Variants in ZCCHC9 observed in about 807,000 individuals in gnomAD.
ZCCHC9 encodes the protein zinc finger CCHC domain-containing protein 9.
Under a neutral mutation model 30.8 loss-of-function variants are expected in ZCCHC9, and 18 were observed. The observed-to-expected ratio is 0.58, with a 90% confidence interval of 0.40 to 0.87. The LOEUF is 0.87. Among genes scored for constraint, ZCCHC9 ranks in the 40% least tolerant of loss-of-function variants. ZCCHC9 has a pLI of 0.00. For synonymous variants in ZCCHC9, 94 were observed against 106.7 expected (o/e 0.88, Z 0.73); for missense variants, 279 against 331.2 (o/e 0.84, Z 1.22).
intron 1 of ZCCHC9, chr5:81,302,917 A>T (rs572417840): frequency 1.3e-5 from 2 of 151,914 alleles, no homozygotes; most frequent in African/African-American, 4.8e-5. Context: ...GTCTAAGTTT[A>T]TTAAAAATAA....
At chr5:81,306,534 TAAGAA>T (rs1483599430) in intron 2 of ZCCHC9, among the ~76,000 whole-genome samples, 2 of 152,204 alleles carry the variant, frequency 1.3e-5, no homozygotes, top group Non-Finnish European at 2.9e-5. Flanking sequence ...TATGACCGCT[TAAGAA>T]AAGCATTATG....
intron 4 of ZCCHC9, 39 bp from the exon 5 acceptor site, chr5:81,311,172 A>AGT (rs1235053308): frequency 6.2e-7 from 1 of 1,611,040 alleles, no homozygotes; most frequent in Non-Finnish European, 8.5e-7. Context: ...ACCCCTTGCA[A>AGT]GTATGAGATG....
Position 81,312,912 on chromosome 5 carries a change from A to G in ZCCHC9, c.*250A>G, listed in dbSNP as rs1758336801. 7.7e-6 allele frequency: 2 copies of G among 258,470 alleles called. No homozygotes were observed. The highest frequency in any genetic ancestry group is 1.5e-5 in the Non-Finnish European group (2 of 135,310). The allele number at this position is 258,470 out of a possible 1,614,324, so 16.0% of individuals were successfully genotyped here. ...TAAAAGAACATATTTTAAGAGACAGAACTTAGACATAACCAAGTAGTTGTA... is the reference window on the plus strand; with the variant it reads ...TAAAAGAACATATTTTAAGAGACAGGACTTAGACATAACCAAGTAGTTGTA... On this transcript the variant is annotated 3_prime_UTR_variant, in exon 6 of 6. Coordinates refer to ENST00000407610, the MANE Select transcript of ZCCHC9 (RefSeq NM_001131035.2).
At chr5:81,307,769 G>A (rs1466691127) in intron 2 of ZCCHC9, among the ~76,000 whole-genome samples, 1 of 151,904 alleles carries the variant, frequency 6.6e-6, no homozygotes, top group Non-Finnish European at 1.5e-5. Flanking sequence ...GGCCGAGGCG[G>A]GTGGATCACC....
chr5:81,304,793 CAA>C lies in ZCCHC9; in HGVS notation c.37_38del (p.Lys13GlufsTer17), dbSNP rs1355996940. On this transcript the variant is annotated frameshift_variant, in exon 2 of 6. Transcript: ENST00000407610. LOFTEE classifies it high-confidence loss of function. ...RWARVSTTYNKRPLPATSWED... is the reference protein window; with the variant it reads ...RWARVSTTYNXRPLPATSWED... Reference sequence around the variant, plus strand: ...GGGCCCGAGTTAGTACCACATATAACAAGAGACCCTTGCCTGCAACATCATGG... The same window carrying C: ...GGGCCCGAGTTAGTACCACATATAACGAGACCCTTGCCTGCAACATCATGG... 1 of 1,609,308 alleles carries C rather than the reference CAA, an allele frequency of 6.2e-7. No individual in the cohort carries two copies. The highest frequency in any genetic ancestry group is 1.7e-5 in the Admixed American group (1 of 58,836).
At chr5:81,309,759 C>T (rs890363064) in intron 4 of ZCCHC9, among the ~76,000 whole-genome samples, 22 of 152,154 alleles carry the variant, frequency 1.4e-4, no homozygotes, top group Admixed American at 2.6e-4. Context: ...CTCTGATCTC[C>T]GTTTCCTCAC....
Position 81,305,135 on chromosome 5 carries a change from T to C in ZCCHC9, c.378T>C (p.Asn126=), listed in dbSNP as rs1580491118. 2.5e-6 allele frequency: 4 copies of C among 1,591,218 alleles called. No individual in the cohort carries two copies. Among genetic ancestry groups the C allele is most frequent in the East Asian group, 2.2e-5 (1 of 44,802 alleles). The part of the protein sequence containing the change: ...RRLKRQAAKK[N]AMVCFHCRKP... Reference sequence around the variant, plus strand: ...TAAAAAGACAAGCGGCAAAGAAAAATGCAATGGTGAGAGCATCACTTCTAC... The same window carrying C: ...TAAAAAGACAAGCGGCAAAGAAAAACGCAATGGTGAGAGCATCACTTCTAC... Residue 126 remains asparagine, a synonymous_variant, in exon 2 of 6, where the codon AAT becomes AAC. Coordinates refer to ENST00000407610, the MANE Select transcript of ZCCHC9 (RefSeq NM_001131035.2).
At chr5:81,309,093 T>C in intron 4 of ZCCHC9, 55 bp downstream of exon 4, 1 of 1,294,944 alleles carries the variant, frequency 7.7e-7, no homozygotes, top group South Asian at 1.4e-5. Context: ...GCAGTTGTGA[T>C]TTAATTTACA....
intron 4 of ZCCHC9, among the ~76,000 whole-genome samples, chr5:81,309,950 G>C (rs1758223302): frequency 1.3e-5 from 2 of 152,090 alleles, no homozygotes; most frequent in South Asian, 4.1e-4. Flanking sequence ...TGGTGTCTTA[G>C]AGTTGATGAA....
rs1758344976 is a variant in ZCCHC9, at chr5:81,313,177, TGATTCTC to T, written c.*520_*526del. 6.6e-6 allele frequency: 1 copy of T among 152,284 alleles called. No individual in the cohort carries two copies. The allele number at this position is 152,284 out of a possible 1,614,324, so 9.4% of individuals were successfully genotyped here. A position where few individuals can be genotyped will look rare whatever the true frequency, so the allele number is the denominator to read the frequency against. On this transcript the variant is annotated 3_prime_UTR_variant, in exon 6 of 6. Coordinates refer to ENST00000407610, the MANE Select transcript of ZCCHC9 (RefSeq NM_001131035.2). ...TTTGTGTATAATTTTTCTGAATACT[TGATTCTC>T]GATTGAAATATCCATTGTTCGTTAA... is the stretch of plus-strand genomic sequence containing the variant.
chr5:81,307,323 G>A (rs1758105056), intron 2 of ZCCHC9, among the ~76,000 whole-genome samples: 1 of 152,156 alleles, frequency 6.6e-6, no homozygotes, highest in South Asian at 2.1e-4. Context: ...CCTTTAAAAT[G>A]TATTGTGCAT....
intron 4 of ZCCHC9, among the ~76,000 whole-genome samples, chr5:81,309,976 A>G (rs144831915): frequency 6.6e-6 from 1 of 152,200 alleles, no homozygotes; most frequent in African/African-American, 2.4e-5. Flanking sequence ...GTATTTGCCT[A>G]AAGAATTTTT....
At chr5:81,308,869 G>C (rs1247290021) in intron 3 of ZCCHC9, 77 bp from the exon 4 acceptor site, 1 of 1,416,224 alleles carries the variant, frequency 7.1e-7, no homozygotes, top group Non-Finnish European at 9.6e-7. Flanking sequence ...TTTTTATTCA[G>C]AGTATTTTAA....
rs1758176537 is a variant in ZCCHC9, at chr5:81,308,878, A to T, written c.536-68A>T. 6 of 1,452,400 alleles carry T rather than the reference A, an allele frequency of 4.1e-6. No individual in the cohort carries two copies. The East Asian group carries it at 1.2e-4, about 29-fold the overall frequency. The allele number at this position is 1,452,400 out of a possible 1,614,324, so 90.0% of individuals were successfully genotyped here. A position where few individuals can be genotyped will look rare whatever the true frequency, so the allele number is the denominator to read the frequency against. On this transcript the variant is annotated intron_variant, in intron 3 of 5. Transcript: ENST00000407610. ...ATATATTTTTTATTCAGAGTATTTTAAAATAATGTTAATTTTATGACTTGC... is the reference window on the plus strand; with the variant it reads ...ATATATTTTTTATTCAGAGTATTTTTAAATAATGTTAATTTTATGACTTGC...
In ZCCHC9 at chr5:81,312,600, A is replaced by T. The variant is rs1160992391; in HGVS notation, c.754A>T (p.Ile252Phe). The T allele has an allele frequency of 6.2e-7, 1 of 1,613,994 alleles. No homozygotes were observed. Among genetic ancestry groups the T allele is most frequent in the Admixed American group, 1.7e-5 (1 of 60,018 alleles). Residue 252 changes from isoleucine to phenylalanine, a missense_variant, in exon 6 of 6, where the codon ATT becomes TTT. Physicochemically the swap from Ile to Phe is conservative, Grantham distance 21. Coordinates refer to ENST00000407610, the MANE Select transcript of ZCCHC9 (RefSeq NM_001131035.2). ...AKGMSADYEE[I>F]LDVPKPQKPK... ...GGGAATGAGTGCAGACTATGAAGAAATTTTGGATGTACCTAAACCGCAAAA... is the reference window on the plus strand; with the variant it reads ...GGGAATGAGTGCAGACTATGAAGAATTTTTGGATGTACCTAAACCGCAAAA...
chr5:81,304,838 A>T lies in ZCCHC9; in HGVS notation c.81A>T (p.Gly27=), dbSNP rs147758374. 7 of 1,614,134 alleles carry T rather than the reference A, an allele frequency of 4.3e-6. No individual in the cohort carries two copies. The African/African-American group carries it at 5.3e-5, about 12-fold the overall frequency. The change falls in exon 2 of 6, where the codon GGA becomes GGT. Residue 27 remains glycine (G), a synonymous_variant. Coordinates refer to ENST00000407610, the MANE Select transcript of ZCCHC9 (RefSeq NM_001131035.2). The part of the protein sequence containing the change: ...PATSWEDMKK[G]SFEGTSQNLP... ...CATCATGGGAGGACATGAAGAAGGG[A>T]TCCTTTGAGGGAACAAGCCAAAACC...
Position 81,312,881 on chromosome 5 carries a change from A to G in ZCCHC9, c.*219A>G, listed in dbSNP as rs559512543. The G allele has an allele frequency of 2.1e-5, 7 of 338,778 alleles. No individual in the cohort carries two copies. In the Admixed American group the frequency reaches 3.1e-4, roughly 15 times the overall value. 21.0% of individuals were successfully genotyped at this position (338,778 alleles called of 1,614,324 possible). ...AGAAAAGAATAAGATGATTAAATGA[A>G]TTCTCTAAAAGAACATATTTTAAGA... On this transcript the variant is annotated 3_prime_UTR_variant, in exon 6 of 6. Transcript: ENST00000407610.
intron 1 of ZCCHC9, 126 bp from the exon 2 acceptor site, chr5:81,304,615 T>G: frequency 1.4e-6 from 1 of 713,038 alleles, no homozygotes; most frequent in Non-Finnish European, 2.2e-6. Context: ...AAATAAAAAG[T>G]GTTTTAATAA....
intron 2 of ZCCHC9, 135 bp downstream of exon 2, chr5:81,305,276 G>A: frequency 8.1e-7 from 1 of 1,238,526 alleles, no homozygotes; most frequent in East Asian, 2.6e-5. Context: ...TTAAGGACTA[G>A]TACTTTTTTA....
Sources: allele counts gnomAD v4.1 joint callset (sites outside exome capture counted in the v4.1 genomes callset), GRCh38; gene constraint gnomAD v4.1.1; transcripts MANE v1.5; gene names NCBI Gene and HGNC (gene_info 2026-07-23, HGNC 2026-07-21).